The following ADAMTSL1 variants were observed in gnomAD, a reference collection of about 807,000 sequenced individuals.
The protein encoded by ADAMTSL1 is ADAMTS-like protein 1.
In ADAMTSL1, 126 loss-of-function variants were observed where a neutral mutation model predicts 201.8. That is an observed-to-expected ratio of 0.62 (90% CI 0.54 to 0.72). The LOEUF (loss-of-function observed/expected upper bound fraction) is 0.72, where lower values mean the gene tolerates loss of function less well. Ranked by LOEUF, ADAMTSL1 falls within the 30% of genes least tolerant of loss-of-function variation. The probability of loss-of-function intolerance (pLI) is 0.00; values close to 1 mark genes in which losing one functional copy is unlikely to be tolerated. For synonymous variants in ADAMTSL1, 1,121 were observed against 903.4 expected, an observed-to-expected ratio of 1.24 and a Z score of -4.32; for missense variants, 2,679 against 2,277.8, an observed-to-expected ratio of 1.18 and a Z score of -3.59.
chr9:18,681,485 C>G (rs1830465226), intron 11 of ADAMTSL1: 1 of 164,576 alleles, frequency 6.1e-6, no homozygotes, highest in Non-Finnish European at 1.3e-5. Flanking sequence ...CAAAATTAAG[C>G]ACACTCTACA....
chr9:18,806,608 T>TA (rs1405499893), intron 20 of ADAMTSL1, among the ~76,000 whole-genome samples: 1 of 152,216 alleles, frequency 6.6e-6, no homozygotes, highest in Non-Finnish European at 1.5e-5. Flanking sequence ...ATCACCTTTA[T>TA]ATTAGGCCAA....
intron 15 of ADAMTSL1, among the ~76,000 whole-genome samples, chr9:18,726,183 T>C (rs997233497): frequency 6.6e-6 from 1 of 152,320 alleles, no homozygotes; most frequent in Admixed American, 6.5e-5. Context: ...TTTTATTAGA[T>C]GTTTTTATTT....
chr9:18,840,945 A>G (rs369814661), intron 23 of ADAMTSL1, among the ~76,000 whole-genome samples: 5,407 of 147,476 alleles, frequency 0.037, 120 homozygotes, highest in South Asian at 0.082. Flanking sequence ...GGCTGAGACA[A>G]TGGGGTTTTC....
intron 23 of ADAMTSL1, among the ~76,000 whole-genome samples, chr9:18,853,531 C>T (rs1826636954): frequency 6.6e-6 from 1 of 152,180 alleles, no homozygotes; most frequent in Admixed American, 6.5e-5. Context: ...TGCTGGTAAT[C>T]ATTTACATCT....
chr9:18,871,009 A>G (rs995876675), intron 23 of ADAMTSL1, among the ~76,000 whole-genome samples: 6 of 152,194 alleles, frequency 3.9e-5, no homozygotes, highest in Admixed American at 2.6e-4. Flanking sequence ...CCCAGTTGTT[A>G]GTATACTTCT....
chr9:18,644,776 C>G (rs1827681460), intron 7 of ADAMTSL1, among the ~76,000 whole-genome samples: 2 of 151,978 alleles, frequency 1.3e-5, no homozygotes, highest in South Asian at 4.2e-4. Context: ...TTTTCTTAAT[C>G]CAGTCTATCA....
intron 2 of ADAMTSL1, among the ~76,000 whole-genome samples, chr9:18,521,098 A>G (rs541190276): frequency 2.0e-5 from 3 of 152,318 alleles, no homozygotes; most frequent in East Asian, 1.9e-4. Context: ...CAAATGAGGG[A>G]AAAATGTGAA....
chr9:18,696,037 C>G (rs1250683199), intron 13 of ADAMTSL1, among the ~76,000 whole-genome samples: 1 of 152,164 alleles, frequency 6.6e-6, no homozygotes, highest in Non-Finnish European at 1.5e-5. Flanking sequence ...GTGATACACA[C>G]TTTTAAGCAA....
intron 4 of ADAMTSL1, among the ~76,000 whole-genome samples, chr9:18,602,509 G>A (rs1051867270): frequency 5.3e-5 from 8 of 152,264 alleles, no homozygotes; most frequent in African/African-American, 1.9e-4. Context: ...CCCCAGACTG[G>A]GCTTCTAATC....
rs371875536 is a variant in ADAMTSL1, at chr9:18,430,226, G to A, written c.208-74603G>A. ...AGATTGCGCATTCTTAATAAGTGCCGGGTGGTTTCTAGACAACATTTTGAA... is the reference window on the plus strand; with the variant it reads ...AGATTGCGCATTCTTAATAAGTGCCAGGTGGTTTCTAGACAACATTTTGAA... On this transcript the variant is annotated intron_variant, in intron 2 of 29. Transcript: ENST00000680146. Among the ~76,000 whole-genome samples the A allele has an allele frequency of 1.1e-4, 17 of 152,262 alleles. 1 individual carries two copies. In the East Asian group the frequency reaches 1.5e-3, roughly 14 times the overall value.
At chr9:18,691,617 C>A (rs1281278216) in intron 13 of ADAMTSL1, among the ~76,000 whole-genome samples, 1 of 152,146 alleles carries the variant, frequency 6.6e-6, no homozygotes, top group Non-Finnish European at 1.5e-5. Context: ...GACAAAGATA[C>A]AATCCTGCTG....
At chr9:18,240,755 C>G (rs1265567768) in intron 2 of ADAMTSL1, among the ~76,000 whole-genome samples, 1 of 152,180 alleles carries the variant, frequency 6.6e-6, no homozygotes, top group Admixed American at 6.5e-5. Context: ...AATCTGTTGT[C>G]TAGTGCAGCC....
At chr9:18,052,816 A>C (rs1821998004) in intron 1 of ADAMTSL1, among the ~76,000 whole-genome samples, 1 of 152,070 alleles carries the variant, frequency 6.6e-6, no homozygotes, top group African/African-American at 2.4e-5. Context: ...ATGTTTTTGG[A>C]AATCAGAGCA....
intron 2 of ADAMTSL1, among the ~76,000 whole-genome samples, chr9:18,237,205 T>C (rs937099687): frequency 2.6e-5 from 4 of 152,190 alleles, no homozygotes; most frequent in Admixed American, 2.0e-4. Flanking sequence ...GACCATGAGC[T>C]CTCCAATGTG....
chr9:18,518,183 T>G (rs1818477401), intron 2 of ADAMTSL1, among the ~76,000 whole-genome samples: 1 of 152,194 alleles, frequency 6.6e-6, no homozygotes, highest in African/African-American at 2.4e-5. Context: ...GGGGTACATG[T>G]GCATGTTTAT....
At chr9:18,641,932 T>G (rs1030709657) in intron 7 of ADAMTSL1, among the ~76,000 whole-genome samples, 1 of 152,058 alleles carries the variant, frequency 6.6e-6, no homozygotes, top group African/African-American at 2.4e-5. Context: ...TCAAATTCTC[T>G]TTATAGATTT....
chr9:18,722,384 A>G (rs145842972), intron 15 of ADAMTSL1, among the ~76,000 whole-genome samples: 114 of 152,322 alleles, frequency 7.5e-4, no homozygotes, highest in African/African-American at 2.6e-3. Flanking sequence ...AGACTTTCAA[A>G]TCTGCTGATG....
chr9:18,643,802 T>C (rs1827598895), intron 7 of ADAMTSL1, among the ~76,000 whole-genome samples: 1 of 152,038 alleles, frequency 6.6e-6, no homozygotes, highest in Non-Finnish European at 1.5e-5. Context: ...GATTTTGAAA[T>C]CAGGTCGTAT....
intron 13 of ADAMTSL1, among the ~76,000 whole-genome samples, chr9:18,703,565 T>C (rs928203432): frequency 6.6e-6 from 1 of 151,756 alleles, no homozygotes; most frequent in Non-Finnish European, 1.5e-5. Context: ...GATAGTGGAT[T>C]GGGAGATAAG....
Sources: gnomAD v4.1 joint callset for allele counts (sites outside exome capture counted in the v4.1 genomes callset) on GRCh38, gnomAD v4.1.1 for gene constraint, MANE v1.5 for transcripts, NCBI Gene and HGNC (gene_info 2026-07-23, HGNC 2026-07-21) for gene names.